The following TSPAN6 variants were observed in gnomAD, a reference collection of about 807,000 sequenced individuals.
TSPAN6 encodes the protein tetraspanin 6.
TSPAN6 carries 13 observed loss-of-function variants against 18.0 expected under a neutral mutation model. The observed-to-expected ratio is 0.72, with a 90% CI of 0.47 to 1.15. The LOEUF (loss-of-function observed/expected upper bound fraction) is 1.15, where lower values mean the gene tolerates loss of function less well. TSPAN6 is among the 50% of genes most tolerant of loss of function. TSPAN6 has a pLI of 0.00. For synonymous variants in TSPAN6, 82 were observed against 67.0 expected (o/e 1.22, Z -1.09); for missense variants, 186 against 183.9 (o/e 1.01, Z -0.07).
rs1032028020 is a variant in TSPAN6 at position 100,627,186 on chromosome X, T to G, written c.*2840A>C. The G allele has an allele frequency of 3.6e-5, 4 of 111,746 alleles. No homozygotes were observed. 9.2% of individuals were successfully genotyped at this position (111,746 alleles called of 1,213,427 possible). A position where few individuals can be genotyped will look rare whatever the true frequency, so the allele number is the denominator to read the frequency against. On this transcript the variant is annotated 3_prime_UTR_variant, in exon 8 of 8. Transcript: ENST00000373020. ...CCAACAACCCACCTGGAATAGGCCA[T>G]GGAAATCTAACAAGCTTTTCACACT...
At chrX:100,630,710 C>G in intron 7 of TSPAN6, 49 bp downstream of exon 7, 1 of 951,816 alleles carries the variant, frequency 1.1e-6, no homozygotes, top group South Asian at 2.2e-5. Context: ...CATACACAGG[C>G]TAGAATAAAT....
chrX:100,633,070 G>A (rs867360514), intron 5 of TSPAN6, among the ~76,000 whole-genome samples: 4 of 112,347 alleles, frequency 3.6e-5, no homozygotes, highest in South Asian at 7.4e-4. Context: ...TGTAATCCCA[G>A]CACTTTGGGA....
In TSPAN6 at chrX:100,636,703, C is replaced by T; in HGVS notation, c.-9G>A. ...CGAGACGGGGACGCCATGACTAGCC[C>T]GAGACCCTGCACCACCGCACCGGGC... On this transcript the variant is annotated 5_prime_UTR_variant, in exon 1 of 8. Transcript: ENST00000373020. The T allele has an allele frequency of 8.4e-7, 1 of 1,196,930 alleles. No homozygotes were observed. The highest frequency in any genetic ancestry group is 1.1e-6 in the Non-Finnish European group (1 of 888,229).
At chrX:100,634,445 C>T (rs917263855) in intron 3 of TSPAN6, among the ~76,000 whole-genome samples, 4 of 111,292 alleles carry the variant, frequency 3.6e-5, no homozygotes, top group South Asian at 7.6e-4. Context: ...TGCTACTCAC[C>T]GAATGTTATT....
At position 100,636,704 on chromosome X, in the gene TSPAN6, G is replaced by A. The variant is rs746343353; in HGVS notation, c.-10C>T. 5.0e-6 allele frequency: 6 copies of A among 1,195,849 alleles called. No homozygotes were observed. In the African/African-American group the frequency reaches 8.8e-5, roughly 18 times the overall value. On this transcript the variant is annotated 5_prime_UTR_variant, in exon 1 of 8. Coordinates refer to ENST00000373020, the MANE Select transcript of TSPAN6 (RefSeq NM_003270.4). ...GAGACGGGGACGCCATGACTAGCCC[G>A]AGACCCTGCACCACCGCACCGGGCG... is the stretch of plus-strand genomic sequence containing the variant.
At chrX:100,636,542 G>T (rs1380176332) in intron 1 of TSPAN6, 66 bp downstream of exon 1, 2 of 1,134,494 alleles carry the variant, frequency 1.8e-6, no homozygotes, top group Admixed American at 2.8e-5. Flanking sequence ...CCGCCGCTCA[G>T]GGTCACACCC....
intron 4 of TSPAN6, 33 bp downstream of exon 4, chrX:100,633,898 T>C: frequency 2.0e-6 from 2 of 1,004,663 alleles, no homozygotes; most frequent in Non-Finnish European, 1.4e-6. Flanking sequence ...CAACAGGGAA[T>C]GTGTTCCCCT....
At chrX:100,631,011 G>T (rs2234092) in intron 6 of TSPAN6, 145 bp from the exon 7 acceptor site, 1 of 426,348 alleles carries the variant, frequency 2.3e-6, no homozygotes. Context: ...GCAGCATCTA[G>T]ATCACATTCA....
chrX:100,636,053 A>C (rs1324836348), intron 1 of TSPAN6: 1 of 593,006 alleles, frequency 1.7e-6, no homozygotes, highest in African/African-American at 2.4e-5. Flanking sequence ...TTGAAGGGGA[A>C]AAAAAAAACG....
Position 100,634,018 on chromosome X carries a change from G to A in TSPAN6, c.363C>T (p.Ser121=). The change falls in exon 4 of 8, where the codon AGC becomes AGT. Residue 121 remains serine (S), a synonymous_variant. Coordinates refer to ENST00000373020, the MANE Select transcript of TSPAN6 (RefSeq NM_003270.4). ...GFVFRHEIKN[S]FKNNYEKALK... is the part of the protein sequence containing the mutation. The stretch of plus-strand genomic sequence containing the variant: ...AAGCCTTCTCATAATTATTCTTAAA[G>A]CTGTTCTTAATCTATAGCAAAGAAA... 3 of 1,186,500 alleles carry A rather than the reference G, an allele frequency of 2.5e-6. No homozygotes were observed. Among genetic ancestry groups the A allele is most frequent in the Non-Finnish European group, 3.4e-6 (3 of 876,132 alleles).
rs2083039504 is a variant in TSPAN6, at chrX:100,628,654, C to A, written c.*1372G>T. 8.9e-6 allele frequency: 1 copy of A among 112,174 alleles called. No homozygotes were observed. The highest frequency in any genetic ancestry group is 3.7e-4 in the South Asian group (1 of 2,715). 9.2% of individuals were successfully genotyped at this position (112,174 alleles called of 1,213,427 possible). On this transcript the variant is annotated 3_prime_UTR_variant, in exon 8 of 8. Coordinates refer to ENST00000373020, the MANE Select transcript of TSPAN6 (RefSeq NM_003270.4). The stretch of plus-strand genomic sequence containing the variant: ...AACTTTTTAATGCAAACTATACAAT[C>A]AAAAAAGTCTGATCTCTAGGAGAAC...
At chrX:100,635,379 G>A in intron 2 of TSPAN6, 127 bp from the exon 3 acceptor site, 1 of 658,813 alleles carries the variant, frequency 1.5e-6, no homozygotes, top group Admixed American at 3.4e-5. Flanking sequence ...AAAGGGCAGG[G>A]AAAATAACAA....
At chrX:100,633,732 T>C (rs1703047786) in intron 4 of TSPAN6, among the ~76,000 whole-genome samples, 193 bp from the exon 5 acceptor site, 1 of 110,029 alleles carries the variant, frequency 9.1e-6, no homozygotes, top group African/African-American at 3.3e-5. Context: ...TTGGCCTTAC[T>C]TTCCTGCTAT....
At chrX:100,630,720 TATCAACACTAACAG>T in intron 7 of TSPAN6, 25 bp downstream of exon 7, 1 of 1,008,444 alleles carries the variant, frequency 9.9e-7, no homozygotes, top group East Asian at 3.2e-5. Flanking sequence ...CTAGAATAAA[TATCAACACTAACAG>T]AGCTGAGGAC....
At chrX:100,633,276 G>A (rs1356173565) in intron 5 of TSPAN6, 129 bp downstream of exon 5, 11 of 588,522 alleles carry the variant, frequency 1.9e-5, no homozygotes, top group Middle Eastern at 5.4e-4. Flanking sequence ...CCGAGAACGC[G>A]CCACTGCACT....
intron 1 of TSPAN6, 52 bp downstream of exon 1, chrX:100,636,553 CCCA>C: frequency 8.6e-7 from 1 of 1,156,922 alleles, no homozygotes; most frequent in African/African-American, 1.8e-5. Context: ...GGTCACACCC[CCCA>C]CAACTAAAAG....
chrX:100,630,292 CCA>C (rs1464445259), intron 7 of TSPAN6, among the ~76,000 whole-genome samples: 1 of 112,126 alleles, frequency 8.9e-6, no homozygotes, highest in East Asian at 2.8e-4. Context: ...ACCAAGAAAG[CCA>C]CACTCTCAAC....
At chrX:100,636,314 T>C (rs2083094880) in intron 1 of TSPAN6, 2 of 908,911 alleles carry the variant, frequency 2.2e-6, no homozygotes, top group Non-Finnish European at 2.7e-6. Flanking sequence ...GTCTGCGTGC[T>C]CTGGGGGCTT....
At chrX:100,635,489 A>G in intron 2 of TSPAN6, 69 bp downstream of exon 2, 1 of 1,011,155 alleles carries the variant, frequency 9.9e-7, no homozygotes, top group Non-Finnish European at 1.3e-6. Context: ...CAGTTCCAAC[A>G]AAGGAATTCT....
Sources: allele counts gnomAD v4.1 joint callset (sites outside exome capture counted in the v4.1 genomes callset), GRCh38; gene constraint gnomAD v4.1.1; transcripts MANE v1.5; gene names NCBI Gene and HGNC (gene_info 2026-07-23, HGNC 2026-07-21).